Variants in NFIB observed in about 807,000 individuals in gnomAD.
NFIB encodes the protein nuclear factor 1 B-type.
Under a neutral mutation model 61.5 loss-of-function variants are expected in NFIB, and 11 were observed. The observed-to-expected ratio is 0.18, with a 90% CI of 0.11 to 0.30. NFIB has a LOEUF of 0.30. Among genes scored for constraint, NFIB ranks in the 10% least tolerant of loss-of-function variants. NFIB has a pLI of 1.00. For synonymous variants in NFIB, 260 were observed against 216.5 expected, an observed-to-expected ratio of 1.20 and a Z score of -1.76; for missense variants, 471 against 608.9, an observed-to-expected ratio of 0.77 and a Z score of 2.38.
chr9:14,161,947 A>G lies in NFIB; in HGVS notation c.617-6054T>C, dbSNP rs73411960. Among the ~76,000 whole-genome samples, 1,435 of 152,262 alleles carry G rather than the reference A, an allele frequency of 9.4e-3. 26 individuals carry two copies. Among genetic ancestry groups the G allele is most frequent in the African/African-American group, 0.031 (1,296 of 41,560 alleles). ...CTCACAATCCTGCTGCCAGACTTAC[A>G]TATTAGTAGGGATTTGTTTTTAATT... On this transcript the variant is annotated intron_variant, in intron 3 of 10. Transcript: ENST00000380953.
chr9:14,113,444 A>G (rs150723625), intron 9 of NFIB, among the ~76,000 whole-genome samples: 1 of 152,340 alleles, frequency 6.6e-6, no homozygotes, highest in East Asian at 1.9e-4. Context: ...CTAATATAAA[A>G]TAATCAATGA....
chr9:14,442,572 C>A, the NFIB span, among the ~76,000 whole-genome samples: 2 of 152,144 alleles, frequency 1.3e-5, no homozygotes, highest in Non-Finnish European at 2.9e-5. Context: ...GAGGGAAAAT[C>A]TGTCCCAGGC....
At chr9:14,514,222 T>C in the NFIB span, among the ~76,000 whole-genome samples, 2 of 152,158 alleles carry the variant, frequency 1.3e-5, no homozygotes, top group Non-Finnish European at 2.9e-5. Context: ...CTGATATATG[T>C]TGATCTGTTC....
intron 7 of NFIB, among the ~76,000 whole-genome samples, chr9:14,123,302 A>T (rs1196636148): frequency 6.6e-6 from 1 of 152,068 alleles, no homozygotes; most frequent in Admixed American, 6.6e-5. Context: ...AAAATACAAG[A>T]CAAAAAGTTT....
rs528294848 is a variant in NFIB, at chr9:14,188,024, C to G, written c.563-8244G>C. On this transcript the variant is annotated intron_variant, in intron 2 of 10. Coordinates refer to ENST00000380953, the MANE Select transcript of NFIB (RefSeq NM_001190737.2). ...ACCTAAGATTAAGTTCAATGACTTC[C>G]TACTGATCTAGGGATTGAGTGAACC... is the stretch of plus-strand genomic sequence containing the variant. Among the ~76,000 whole-genome samples, 7 of 152,202 alleles carry G rather than the reference C, an allele frequency of 4.6e-5. No homozygotes were observed. In the South Asian group the frequency reaches 1.5e-3, roughly 32 times the overall value.
At chr9:14,428,561 A>T in the NFIB span, among the ~76,000 whole-genome samples, 6 of 152,110 alleles carry the variant, frequency 3.9e-5, no homozygotes, top group Non-Finnish European at 5.9e-5. Context: ...GTGAGAGAGG[A>T]TGTAGAAAAA....
the NFIB span, among the ~76,000 whole-genome samples, chr9:14,449,097 T>C: frequency 1.3e-5 from 2 of 152,354 alleles, no homozygotes; most frequent in South Asian, 4.1e-4. Flanking sequence ...TGCAATTTAA[T>C]TCCCAGACCT....
intron 1 of NFIB, among the ~76,000 whole-genome samples, chr9:14,372,415 C>T (rs1049724511): frequency 1.3e-5 from 2 of 152,192 alleles, no homozygotes; most frequent in East Asian, 3.8e-4. Flanking sequence ...ATCTAAACCA[C>T]TGATCGAAAT....
chr9:14,158,120 A>C (rs929858592), intron 3 of NFIB, among the ~76,000 whole-genome samples: 24 of 151,824 alleles, frequency 1.6e-4, no homozygotes, highest in Non-Finnish European at 2.8e-4. Context: ...CAAAAAAAAA[A>C]AAAAAACAAA....
chr9:14,193,968 AC>A (rs1448215643), intron 2 of NFIB, among the ~76,000 whole-genome samples: 1 of 151,982 alleles, frequency 6.6e-6, no homozygotes, highest in Non-Finnish European at 1.5e-5. Context: ...ATCATTTTGA[AC>A]CCCCACCCCC....
At chr9:14,216,787 A>G (rs1486990379) in intron 2 of NFIB, among the ~76,000 whole-genome samples, 2 of 152,306 alleles carry the variant, frequency 1.3e-5, no homozygotes, top group Admixed American at 1.3e-4. Context: ...AATTGCTTTC[A>G]GCCAAATTTT....
intron 2 of NFIB, among the ~76,000 whole-genome samples, chr9:14,230,498 C>T (rs572251683): frequency 1.4e-4 from 22 of 152,114 alleles, no homozygotes; most frequent in African/African-American, 3.9e-4. Context: ...GAATGTAAGT[C>T]CCATGAGAGC....
chr9:14,442,630 T>A, the NFIB span, among the ~76,000 whole-genome samples: 1 of 152,158 alleles, frequency 6.6e-6, no homozygotes, highest in Admixed American at 6.5e-5. Flanking sequence ...GGTCCCTGGC[T>A]TGGCATCACT....
the NFIB span, among the ~76,000 whole-genome samples, chr9:14,524,172 T>C: frequency 1.3e-5 from 2 of 152,240 alleles, no homozygotes; most frequent in South Asian, 4.1e-4. Flanking sequence ...GTGGTCCCCA[T>C]CCTCTTGGGG....
intron 1 of NFIB, chr9:14,321,859 GAA>G (rs2060669249): frequency 8.1e-7 from 1 of 1,229,046 alleles, no homozygotes; most frequent in African/African-American, 1.6e-5. Context: ...AACAGGAAAA[GAA>G]AAACTGTGCC....
At chr9:14,338,111 G>A (rs2060905306) in intron 1 of NFIB, among the ~76,000 whole-genome samples, 1 of 152,092 alleles carries the variant, frequency 6.6e-6, no homozygotes, top group African/African-American at 2.4e-5. Flanking sequence ...AAGAAAATAC[G>A]TAGCCGGGCG....
chr9:14,137,337 G>C (rs928971527), intron 6 of NFIB, among the ~76,000 whole-genome samples: 2 of 152,116 alleles, frequency 1.3e-5, no homozygotes, highest in Non-Finnish European at 1.5e-5. Context: ...CAAAATATAC[G>C]GGGCCTCCAA....
intron 1 of NFIB, among the ~76,000 whole-genome samples, chr9:14,309,250 T>G (rs1406946127): frequency 1.3e-5 from 2 of 152,176 alleles, no homozygotes; most frequent in African/African-American, 4.8e-5. Context: ...AAATCCAATA[T>G]AGATATGAAT....
At chr9:14,394,142 G>T (rs77799717) in intron 1 of NFIB, among the ~76,000 whole-genome samples, 3 of 152,134 alleles carry the variant, frequency 2.0e-5, no homozygotes, top group African/African-American at 7.2e-5. Context: ...GAATAAGAAA[G>T]GCCTATCCCT....
Sources: allele counts gnomAD v4.1 joint callset (sites outside exome capture counted in the v4.1 genomes callset), GRCh38; gene constraint gnomAD v4.1.1; transcripts MANE v1.5; gene names NCBI Gene and HGNC (gene_info 2026-07-23, HGNC 2026-07-21).